KIRREL3: variants seen among roughly 807,000 people sequenced by gnomAD.
The protein encoded by KIRREL3 is kin of IRRE-like protein 3.
In KIRREL3, 36 loss-of-function variants were observed where a neutral mutation model predicts 89.7. The ratio of observed to expected loss-of-function variants is 0.40; its 90% CI spans 0.31 to 0.53. KIRREL3 has a LOEUF of 0.53. KIRREL3 is among the 20% of genes least tolerant of loss of function. KIRREL3 has a pLI of 0.49. For synonymous variants in KIRREL3, 445 were observed against 441.4 expected (o/e 1.01, Z -0.10); for missense variants, 864 against 1,056.6 (o/e 0.82, Z 2.53).
chr11:126,464,838 T>A (rs1378745158), intron 5 of KIRREL3, among the ~76,000 whole-genome samples: 1 of 152,198 alleles, frequency 6.6e-6, no homozygotes, highest in Admixed American at 6.5e-5. Context: ...TTCTGTTGTG[T>A]CATGCACCGA....
At chr11:126,842,412 T>C (rs561794111) in intron 1 of KIRREL3, among the ~76,000 whole-genome samples, 4 of 152,346 alleles carry the variant, frequency 2.6e-5, no homozygotes, top group Non-Finnish European at 4.4e-5. Context: ...TCCTCTTCTA[T>C]CTACTCTGTT....
intron 1 of KIRREL3, among the ~76,000 whole-genome samples, chr11:126,775,278 T>C (rs1345317163): frequency 6.6e-6 from 1 of 152,184 alleles, no homozygotes; most frequent in African/African-American, 2.4e-5. Context: ...GGTAGAGGCA[T>C]TGGAAGCTGG....
At chr11:126,979,906 T>A (rs1247368818) in intron 1 of KIRREL3, among the ~76,000 whole-genome samples, 1 of 152,214 alleles carries the variant, frequency 6.6e-6, no homozygotes, top group African/African-American at 2.4e-5. Context: ...TAAACATTTG[T>A]TGAGCACTGT....
chr11:126,727,307 G>A (rs534654667), intron 1 of KIRREL3, among the ~76,000 whole-genome samples: 6 of 152,382 alleles, frequency 3.9e-5, no homozygotes, highest in Admixed American at 3.9e-4. Context: ...CAGAAGCTCA[G>A]CTACCTCTCC....
At chr11:126,914,636 A>G (rs570189548) in intron 1 of KIRREL3, among the ~76,000 whole-genome samples, 1 of 152,368 alleles carries the variant, frequency 6.6e-6, no homozygotes, top group South Asian at 2.1e-4. Flanking sequence ...ATCTCATGAA[A>G]GGAGGGACAT....
intron 1 of KIRREL3, among the ~76,000 whole-genome samples, chr11:126,859,897 C>G (rs904945330): frequency 2.6e-5 from 4 of 152,170 alleles, no homozygotes; most frequent in African/African-American, 4.8e-5. Flanking sequence ...TCACTCCTTC[C>G]TACCTCACCC....
chr11:126,645,878 T>C lies in KIRREL3; in HGVS notation c.56-82966A>G, dbSNP rs1156814838. 6.6e-6 allele frequency among the ~76,000 whole-genome samples: 1 copy of C among 152,216 alleles called. No homozygotes were observed. The highest frequency in any genetic ancestry group is 1.5e-5 in the Non-Finnish European group (1 of 68,038). ...GGGCCAGGGCTAATACTAATGCATA[T>C]GCTGTTAAACCTTTTTAATTAACTT... is the stretch of plus-strand genomic sequence containing the variant. On this transcript the variant is annotated intron_variant, in intron 1 of 16. Transcript: ENST00000525144. The surrounding 1 kb of genome is among the most constrained non-coding windows in gnomAD (Gnocchi z 4.9).
chr11:126,454,893 C>T lies in KIRREL3; in HGVS notation c.848+1456G>A, dbSNP rs1956286826. On this transcript the variant is annotated intron_variant, in intron 7 of 16. Coordinates refer to ENST00000525144, the MANE Select transcript of KIRREL3 (RefSeq NM_032531.4). This position sits in a 1 kb window ranked among gnomAD's most constrained non-coding sequence, Gnocchi z 5.8. ...GGGTTTCATCCTATTTAAAAATATC[C>T]TTGGGGATAGGAACTCTGGGCTCTG... is the stretch of plus-strand genomic sequence containing the variant. 6.6e-6 allele frequency among the ~76,000 whole-genome samples: 1 copy of T among 152,172 alleles called. No homozygotes were observed. Among genetic ancestry groups the T allele is most frequent in the African/African-American group, 2.4e-5 (1 of 41,420 alleles).
intron 1 of KIRREL3, among the ~76,000 whole-genome samples, chr11:126,921,923 T>G (rs111200438): frequency 2.6e-5 from 4 of 151,912 alleles, no homozygotes; most frequent in African/African-American, 4.8e-5. Context: ...CCTATCTATC[T>G]ATCCATCCGC....
At chr11:126,923,755 T>TA (rs1947577008) in intron 1 of KIRREL3, among the ~76,000 whole-genome samples, 1 of 152,148 alleles carries the variant, frequency 6.6e-6, no homozygotes, top group African/African-American at 2.4e-5. Context: ...GCCTACTTCT[T>TA]ACGTGATGGT....
intron 1 of KIRREL3, among the ~76,000 whole-genome samples, chr11:126,716,672 A>G (rs1375531302): frequency 1.3e-5 from 2 of 148,466 alleles, no homozygotes; most frequent in African/African-American, 5.0e-5. Flanking sequence ...GAAACAGCCA[A>G]ATGCATCTGA....
chr11:126,539,946 C>G (rs1336157657), intron 2 of KIRREL3, among the ~76,000 whole-genome samples: 1 of 152,202 alleles, frequency 6.6e-6, no homozygotes, highest in African/African-American at 2.4e-5. Flanking sequence ...TTACTCCAGT[C>G]TGGGAGTGTT....
At chr11:126,833,959 C>A (rs1186254098) in intron 1 of KIRREL3, among the ~76,000 whole-genome samples, 2 of 152,224 alleles carry the variant, frequency 1.3e-5, no homozygotes, top group Admixed American at 6.5e-5. Flanking sequence ...AGTTGACCAC[C>A]TTTTCTTGCA....
At position 126,565,269 on chromosome 11, in the gene KIRREL3, C is replaced by T. The variant is rs908303226; in HGVS notation, c.56-2357G>A. Among the ~76,000 whole-genome samples the T allele has an allele frequency of 6.6e-6, 1 of 152,164 alleles. No individual in the cohort carries two copies. The highest frequency in any genetic ancestry group is 1.5e-5 in the Non-Finnish European group (1 of 68,034). On this transcript the variant is annotated intron_variant, in intron 1 of 16. Transcript: ENST00000525144. The surrounding 1 kb of genome is among the most constrained non-coding windows in gnomAD (Gnocchi z 5.4). The stretch of plus-strand genomic sequence containing the variant: ...TAGTTGGATAGAGAACTCAACCTCT[C>T]CTATGCCACATACTAGGACACCCCC...
In KIRREL3 at chr11:126,523,267, G is replaced by A. The variant is rs1958651519; in HGVS notation, c.284-1803C>T. On this transcript the variant is annotated intron_variant, in intron 3 of 16. Coordinates refer to ENST00000525144, the MANE Select transcript of KIRREL3 (RefSeq NM_032531.4). The surrounding 1 kb of genome is among the most constrained non-coding windows in gnomAD (Gnocchi z 4.9). ...GTTGCAGAGGTGATTTCTACACCGG[G>A]TGAAAGATCAGACTAGAGGAGCTTG... 6.6e-6 allele frequency among the ~76,000 whole-genome samples: 1 copy of A among 152,128 alleles called. No homozygotes were observed. The highest frequency in any genetic ancestry group is 2.1e-4 in the South Asian group (1 of 4,830).
At chr11:126,712,459 C>A (rs900286767) in intron 1 of KIRREL3, among the ~76,000 whole-genome samples, 1 of 152,210 alleles carries the variant, frequency 6.6e-6, no homozygotes, top group African/African-American at 2.4e-5. Flanking sequence ...GCACCCCTGC[C>A]GCCTGCTCCA....
At chr11:126,480,026 A>G (rs1957176738) in intron 4 of KIRREL3, among the ~76,000 whole-genome samples, 2 of 152,116 alleles carry the variant, frequency 1.3e-5, no homozygotes, top group Non-Finnish European at 2.9e-5. Flanking sequence ...TCCTATGGAA[A>G]TCTCTCTGTG....
At chr11:126,621,991 T>C (rs1004936210) in intron 1 of KIRREL3, among the ~76,000 whole-genome samples, 1 of 152,078 alleles carries the variant, frequency 6.6e-6, no homozygotes, top group Non-Finnish European at 1.5e-5. Flanking sequence ...GGAAGGTACA[T>C]TGTAGTCTCT....
chr11:126,652,568 C>T lies in KIRREL3; in HGVS notation c.56-89656G>A, dbSNP rs1944948197. 6.6e-6 allele frequency among the ~76,000 whole-genome samples: 1 copy of T among 152,112 alleles called. No homozygotes were observed. Among genetic ancestry groups the T allele is most frequent in the South Asian group, 2.1e-4 (1 of 4,822 alleles). On this transcript the variant is annotated intron_variant, in intron 1 of 16. Coordinates refer to ENST00000525144, the MANE Select transcript of KIRREL3 (RefSeq NM_032531.4). This position sits in a 1 kb window ranked among gnomAD's most constrained non-coding sequence, Gnocchi z 4.9. ...AAGAGGTCAGGCCATTTGCCAAAGT[C>T]CTCCACTCAATCTATAGGTAGCGGG...
Sources: gnomAD v4.1 joint callset for allele counts (sites outside exome capture counted in the v4.1 genomes callset) on GRCh38, gnomAD v4.1.1 for gene constraint, Gnocchi (gnomAD v3.1) non-coding constraint, MANE v1.5 for transcripts, NCBI Gene and HGNC (gene_info 2026-07-23, HGNC 2026-07-21) for gene names.